The following DOCK3 variants were observed in gnomAD, a reference collection of about 807,000 sequenced individuals.
DOCK3 encodes dedicator of cytokinesis 3, also known as dedicator of cytokinesis protein 3.
In DOCK3, 60 loss-of-function variants were observed where a neutral mutation model predicts 265.6. That is an observed-to-expected ratio of 0.23 (90% CI 0.18 to 0.28). DOCK3 has a LOEUF of 0.28. DOCK3 is among the 10% of genes least tolerant of loss of function. DOCK3 has a pLI of 1.00. For synonymous variants in DOCK3, 881 were observed against 938.0 expected, an observed-to-expected ratio of 0.94 and a Z score of 1.11; for missense variants, 1,981 against 2,594.3, an observed-to-expected ratio of 0.76 and a Z score of 5.14.
In DOCK3 at chr3:51,356,266, C is replaced by A; in HGVS notation, c.4416+11C>A. On this transcript the variant is annotated intron_variant, in intron 42 of 52. Transcript: ENST00000266037. ...GAGAATGAATTCAAGGTGAACAAAT[C>A]TAGGAAAACGGGCAGTACACACAGC... is the stretch of plus-strand genomic sequence containing the variant. 1.4e-6 allele frequency: 2 copies of A among 1,467,442 alleles called. No individual in the cohort carries two copies. Among genetic ancestry groups the A allele is most frequent in the South Asian group, 1.2e-5 (1 of 86,306 alleles). 90.9% of individuals were successfully genotyped at this position (1,467,442 alleles called of 1,614,324 possible). A position where few individuals can be genotyped will look rare whatever the true frequency, so the allele number is the denominator to read the frequency against.
At chr3:51,338,814 T>A (rs1047533941) in intron 36 of DOCK3, 121 bp from the exon 37 acceptor site, 12 of 786,846 alleles carry the variant, frequency 1.5e-5, no homozygotes, top group Non-Finnish European at 2.6e-5. Flanking sequence ...TCTGGTGCTG[T>A]CTGCCTCCAG....
intron 5 of DOCK3, among the ~76,000 whole-genome samples, chr3:50,979,118 C>T (rs963004100): frequency 2.0e-5 from 3 of 152,196 alleles, no homozygotes; most frequent in African/African-American, 7.2e-5. Context: ...GCGCCGCTCA[C>T]GCTGGGAGCT....
At chr3:50,782,439 C>T (rs926036535) in intron 2 of DOCK3, among the ~76,000 whole-genome samples, 11 of 150,904 alleles carry the variant, frequency 7.3e-5, no homozygotes, top group South Asian at 2.1e-4. Context: ...TACAGGCGCC[C>T]GCTACCACGC....
intron 27 of DOCK3, among the ~76,000 whole-genome samples, chr3:51,287,505 T>C (rs1054107382): frequency 2.0e-5 from 3 of 152,198 alleles, no homozygotes; most frequent in Non-Finnish European, 4.4e-5. Context: ...GAGCTGATTG[T>C]ACCACAGTTC....
Position 51,296,781 on chromosome 3 carries a change from G to A in DOCK3, c.2923-13451G>A, listed in dbSNP as rs368736815. ...AATACTGCCAAGATAATTCAGTAAG[G>A]AAAGAAGTGTCTTTTCAACAAATGG... On this transcript the variant is annotated intron_variant, in intron 27 of 52. Transcript: ENST00000266037. Among the ~76,000 whole-genome samples the A allele has an allele frequency of 2.6e-5, 4 of 152,008 alleles. No individual in the cohort carries two copies. The East Asian group carries it at 7.7e-4, about 29-fold the overall frequency.
At chr3:50,704,803 A>G (rs191371021) in intron 1 of DOCK3, among the ~76,000 whole-genome samples, 39 of 151,630 alleles carry the variant, frequency 2.6e-4, no homozygotes, top group Admixed American at 5.9e-4. Context: ...TTTTTTTTGT[A>G]TTTTTAGTAG....
chr3:50,755,693 T>G (rs2040115271), intron 1 of DOCK3, among the ~76,000 whole-genome samples: 1 of 152,222 alleles, frequency 6.6e-6, no homozygotes, highest in South Asian at 2.1e-4. Flanking sequence ...GAAAATAGAT[T>G]AGTGAATCCA....
intron 4 of DOCK3, among the ~76,000 whole-genome samples, chr3:50,923,441 A>G (rs1341962374): frequency 1.3e-5 from 2 of 152,302 alleles, no homozygotes; most frequent in Non-Finnish European, 2.9e-5. Flanking sequence ...GCATTCCACA[A>G]TATTTAATAC....
At chr3:50,727,657 C>T (rs2037916721) in intron 1 of DOCK3, among the ~76,000 whole-genome samples, 1 of 152,108 alleles carries the variant, frequency 6.6e-6, no homozygotes, top group Non-Finnish European at 1.5e-5. Flanking sequence ...ATGATTGCGC[C>T]ACTGCACTCC....
rs555563069 is a variant in DOCK3, at chr3:51,123,378, G to C, written c.747-23171G>C. 1.5e-4 allele frequency among the ~76,000 whole-genome samples: 23 copies of C among 152,316 alleles called. 1 individual carries two copies. The South Asian group carries it at 4.4e-3, about 29-fold the overall frequency. ...AGATGTAAGACATACAGTCTCTGCT[G>C]CTTTGCAGACAAGGATGCTGGACTT... On this transcript the variant is annotated intron_variant, in intron 9 of 52. Coordinates refer to ENST00000266037, the MANE Select transcript of DOCK3 (RefSeq NM_004947.5).
intron 9 of DOCK3, among the ~76,000 whole-genome samples, chr3:51,130,919 G>T (rs2084500773): frequency 6.6e-6 from 1 of 152,054 alleles, no homozygotes; most frequent in Admixed American, 6.6e-5. Flanking sequence ...TGTTGCCCAG[G>T]CTGGTCTCAA....
chr3:51,259,527 C>T (rs1489536421), intron 22 of DOCK3, among the ~76,000 whole-genome samples: 8 of 152,142 alleles, frequency 5.3e-5, no homozygotes, highest in Admixed American at 5.2e-4. Flanking sequence ...TTTGCAGAAG[C>T]TTCATCTTGT....
chr3:51,349,536 G>C (rs2085831462), intron 39 of DOCK3, among the ~76,000 whole-genome samples: 1 of 152,156 alleles, frequency 6.6e-6, no homozygotes, highest in Non-Finnish European at 1.5e-5. Flanking sequence ...CTATGATCCA[G>C]ATTGGTGTTT....
chr3:51,251,112 A>G (rs544160502), intron 22 of DOCK3, among the ~76,000 whole-genome samples: 2 of 152,240 alleles, frequency 1.3e-5, no homozygotes, highest in South Asian at 4.2e-4. Context: ...GAGTGAGAAC[A>G]TGTGGTGTTT....
chr3:51,347,139 T>C (rs181301670), intron 38 of DOCK3, among the ~76,000 whole-genome samples: 14 of 152,344 alleles, frequency 9.2e-5, no homozygotes, highest in Admixed American at 6.5e-4. Context: ...AGCTCCTTAA[T>C]TTAATTAGAT....
intron 4 of DOCK3, among the ~76,000 whole-genome samples, chr3:50,909,169 C>T (rs2049719214): frequency 6.6e-6 from 1 of 151,966 alleles, no homozygotes; most frequent in Non-Finnish European, 1.5e-5. Flanking sequence ...TTTTATCCAT[C>T]TTGCCATTCT....
intron 12 of DOCK3, among the ~76,000 whole-genome samples, chr3:51,203,569 T>A (rs887250021): frequency 6.6e-6 from 1 of 152,106 alleles, no homozygotes; most frequent in South Asian, 2.1e-4. Context: ...GAATCAATAC[T>A]GTGAAAATGG....
intron 5 of DOCK3, among the ~76,000 whole-genome samples, chr3:50,958,046 T>A (rs940964953): frequency 5.3e-5 from 8 of 152,248 alleles, no homozygotes; most frequent in African/African-American, 1.7e-4. Context: ...ACAAGTATTT[T>A]GTCACCCATA....
intron 2 of DOCK3, among the ~76,000 whole-genome samples, chr3:50,834,039 A>G (rs1265651849): frequency 6.6e-6 from 1 of 152,002 alleles, no homozygotes; most frequent in Admixed American, 6.6e-5. Context: ...CAAAAAGATT[A>G]CTTTGAACTT....
Sources: allele counts gnomAD v4.1 joint callset (sites outside exome capture counted in the v4.1 genomes callset), GRCh38; gene constraint gnomAD v4.1.1; transcripts MANE v1.5; gene names NCBI Gene and HGNC (gene_info 2026-07-23, HGNC 2026-07-21).